The following TMCO4 variants were observed in gnomAD, a reference collection of about 807,000 sequenced individuals.
TMCO4 encodes transmembrane and coiled-coil domain-containing protein 4.
A neutral mutation model predicts 64.7 loss-of-function variants in TMCO4; 58 were observed. The ratio of observed to expected loss-of-function variants is 0.90; its 90% CI spans 0.73 to 1.12. TMCO4 has a LOEUF of 1.12. Ranked by LOEUF, TMCO4 falls within the 50% of genes most tolerant of loss-of-function variation. TMCO4 has a pLI of 0.00. For missense variants in TMCO4, 780 were observed against 825.9 expected (o/e 0.94, Z 0.68); for synonymous variants, 325 against 346.1 (o/e 0.94, Z 0.68).
At chr1:19,793,692 C>T (rs1192921301) in intron 2 of TMCO4, among the ~76,000 whole-genome samples, 3 of 152,184 alleles carry the variant, frequency 2.0e-5, no homozygotes, top group Non-Finnish European at 4.4e-5. Context: ...GGAAGGAAAG[C>T]TCCCCTCCCA....
chr1:19,724,064 G>A (rs2100754431), intron 13 of TMCO4, among the ~76,000 whole-genome samples: 1 of 152,236 alleles, frequency 6.6e-6, no homozygotes, highest in Non-Finnish European at 1.5e-5. Context: ...TAAGAGTCTT[G>A]GAAAGAGCCT....
Position 19,771,500 on chromosome 1 carries a change from C to T in TMCO4, c.180-18G>A, listed in dbSNP as rs749741724. 6.2e-7 allele frequency: 1 copy of T among 1,611,068 alleles called. No homozygotes were observed. Among genetic ancestry groups the T allele is most frequent in the South Asian group, 1.1e-5 (1 of 90,742 alleles). On this transcript the variant is annotated intron_variant, in intron 4 of 15. Coordinates refer to ENST00000294543, the MANE Select transcript of TMCO4 (RefSeq NM_181719.7). The stretch of plus-strand genomic sequence containing the variant: ...AGAAGGAGCTGAAAGGCAGACATGG[C>T]TTAGTTCTCCAGGATCCTCAGAGCT...
At chr1:19,781,709 C>A (rs1422091531) in intron 3 of TMCO4, among the ~76,000 whole-genome samples, 1 of 150,608 alleles carries the variant, frequency 6.6e-6, no homozygotes, top group African/African-American at 2.4e-5. Flanking sequence ...TGCAGTGGCA[C>A]GATCTTGGCT....
At position 19,690,891 on chromosome 1, in the gene TMCO4, CAG is replaced by C. The variant is rs2095188165; in HGVS notation, c.1500+3541_1500+3542del. Among the ~76,000 whole-genome samples, 6 of 83,968 alleles carry C rather than the reference CAG, an allele frequency of 7.1e-5. No homozygotes were observed. The South Asian group carries it at 2.2e-3, about 30-fold the overall frequency. 55.1% of individuals were successfully genotyped at this position (83,968 alleles called of 152,430 possible). A position where few individuals can be genotyped will look rare whatever the true frequency, so the allele number is the denominator to read the frequency against. ...CTTTTTTTTTTTTTTTTTTTTGAAACAGAGTCTTGCTCTGTCACCTAGGCTGG... is the reference window on the plus strand; with the variant it reads ...CTTTTTTTTTTTTTTTTTTTTGAAACAGTCTTGCTCTGTCACCTAGGCTGG... On this transcript the variant is annotated intron_variant, in intron 15 of 15. Transcript: ENST00000294543.
chr1:19,770,337 A>C (rs553805885), intron 6 of TMCO4, among the ~76,000 whole-genome samples: 87 of 152,306 alleles, frequency 5.7e-4, no homozygotes, highest in Non-Finnish European at 1.0e-3. Flanking sequence ...GTGAGGAATA[A>C]GTGAAATAAA....
chr1:19,716,492 A>C (rs2095357500), intron 13 of TMCO4, among the ~76,000 whole-genome samples: 1 of 150,684 alleles, frequency 6.6e-6, no homozygotes, highest in African/African-American at 2.4e-5. Flanking sequence ...GGCCTCCCAA[A>C]GTGCTGGGAT....
chr1:19,692,567 TA>T (rs1303329713), intron 15 of TMCO4, among the ~76,000 whole-genome samples: 13 of 92,260 alleles, frequency 1.4e-4, no homozygotes, highest in African/African-American at 4.5e-4. Context: ...ATATCTCTAT[TA>T]AAAATACAAA....
rs1450104212 is a variant in TMCO4, at chr1:19,740,669, A to G, written c.1042+108T>C. ...TAACCTCTCTGTGTTCCTAGGGTCC[A>G]GCACGGTGCCTGCCCTGGGGGCTTT... On this transcript the variant is annotated intron_variant, in intron 11 of 15. Transcript: ENST00000294543. 1.9e-5 allele frequency: 25 copies of G among 1,305,014 alleles called. No individual in the cohort carries two copies. In the East Asian group the frequency reaches 4.7e-4, roughly 24 times the overall value. 80.8% of individuals were successfully genotyped at this position (1,305,014 alleles called of 1,614,324 possible).
At position 19,743,681 on chromosome 1, in the gene TMCO4, C is replaced by T. The variant is rs1319472723; in HGVS notation, c.877+1851G>A. On this transcript the variant is annotated intron_variant, in intron 10 of 15. Transcript: ENST00000294543. This position sits in a 1 kb window ranked among gnomAD's most constrained non-coding sequence, Gnocchi z 4.1. The stretch of plus-strand genomic sequence containing the variant: ...GAAAGGAGTTTGCTTTCCATGCCGG[C>T]CAGACTTGCAAATTCCTTTACCTGG... Among the ~76,000 whole-genome samples, 2 of 152,302 alleles carry T rather than the reference C, an allele frequency of 1.3e-5. No individual in the cohort carries two copies. Among genetic ancestry groups the T allele is most frequent in the East Asian group, 3.9e-4 (2 of 5,180 alleles).
At chr1:19,693,659 G>T (rs1249974891) in intron 15 of TMCO4, among the ~76,000 whole-genome samples, 4 of 152,128 alleles carry the variant, frequency 2.6e-5, no homozygotes, top group Non-Finnish European at 5.9e-5. Context: ...TCATGGCTCT[G>T]CCCCTAGAGA....
At chr1:19,693,094 G>A (rs1439567376) in intron 15 of TMCO4, among the ~76,000 whole-genome samples, 2 of 142,764 alleles carry the variant, frequency 1.4e-5, no homozygotes, top group African/African-American at 5.2e-5. Context: ...GATCACTAGA[G>A]CCTGGGAGGC....
intron 3 of TMCO4, among the ~76,000 whole-genome samples, chr1:19,785,286 C>T (rs1180278836): frequency 6.6e-6 from 1 of 152,206 alleles, no homozygotes; most frequent in Non-Finnish European, 1.5e-5. Flanking sequence ...TTTGCACCAA[C>T]CTAATATCTT....
chr1:19,780,276 T>G (rs1246068098), intron 4 of TMCO4, among the ~76,000 whole-genome samples: 3 of 152,198 alleles, frequency 2.0e-5, no homozygotes, highest in African/African-American at 7.2e-5. Context: ...GGAAGAGCTG[T>G]GTCAGTAGCA....
intron 15 of TMCO4, among the ~76,000 whole-genome samples, chr1:19,691,024 A>C: frequency 1.3e-5 from 2 of 151,752 alleles, no homozygotes; most frequent in East Asian, 3.9e-4. Context: ...GCCCACCGCC[A>C]CACCTGGCTA....
intron 2 of TMCO4, among the ~76,000 whole-genome samples, chr1:19,796,488 G>A (rs187555795): frequency 3.7e-4 from 57 of 152,164 alleles, no homozygotes; most frequent in African/African-American, 9.4e-4. Context: ...CCAGGGATTC[G>A]CAATTAATAT....
intron 7 of TMCO4, among the ~76,000 whole-genome samples, chr1:19,749,783 T>C (rs1172461939): frequency 6.6e-6 from 1 of 152,224 alleles, no homozygotes; most frequent in East Asian, 1.9e-4. Context: ...CCAGAACCAG[T>C]ACAATGTGAA....
chr1:19,780,417 G>C (rs1374630589), intron 4 of TMCO4, among the ~76,000 whole-genome samples, 163 bp downstream of exon 4: 1 of 152,208 alleles, frequency 6.6e-6, no homozygotes, highest in African/African-American at 2.4e-5. Context: ...CTACAGACCA[G>C]TACTGGTCCA....
intron 14 of TMCO4, among the ~76,000 whole-genome samples, chr1:19,696,381 C>G (rs1464421129): frequency 1.3e-5 from 2 of 151,740 alleles, no homozygotes; most frequent in Non-Finnish European, 1.5e-5. Flanking sequence ...GAGACCCCAT[C>G]TCTACAAAAC....
At chr1:19,775,074 T>C (rs560883230) in intron 4 of TMCO4, among the ~76,000 whole-genome samples, 1 of 152,246 alleles carries the variant, frequency 6.6e-6, no homozygotes, top group East Asian at 1.9e-4. Context: ...GTTTGTTTGT[T>C]TGTTTTTGAG....
Sources: gnomAD v4.1 joint callset for allele counts (sites outside exome capture counted in the v4.1 genomes callset) on GRCh38, gnomAD v4.1.1 for gene constraint, Gnocchi (gnomAD v3.1) non-coding constraint, MANE v1.5 for transcripts, NCBI Gene and HGNC (gene_info 2026-07-23, HGNC 2026-07-21) for gene names.